The following USH2A variants were observed in gnomAD, a reference collection of about 807,000 sequenced individuals.
USH2A encodes usherin.
A neutral mutation model predicts 538.9 loss-of-function variants in USH2A; 443 were observed. That is an observed-to-expected ratio of 0.82 (90% CI 0.76 to 0.89). USH2A has a LOEUF of 0.89. Among genes scored for constraint, USH2A ranks in the 40% least tolerant of loss-of-function variants. The pLI is 0.00. For missense variants in USH2A, 6,633 were observed against 6,324.8 expected (o/e 1.05, Z -1.65); for synonymous variants, 2,413 against 2,273.5 (o/e 1.06, Z -1.75).
At chr1:216,287,381 C>T (rs756848156) in intron 11 of USH2A, among the ~76,000 whole-genome samples, 5 of 152,158 alleles carry the variant, frequency 3.3e-5, no homozygotes, top group Non-Finnish European at 7.3e-5. Context: ...CAATAATTAG[C>T]TCCACTTTAT....
chr1:215,797,127 A>T (rs1662164601), intron 50 of USH2A, among the ~76,000 whole-genome samples: 1 of 152,208 alleles, frequency 6.6e-6, no homozygotes, highest in African/African-American at 2.4e-5. Context: ...CAGTCACAAT[A>T]GTCCCTTAGG....
At chr1:216,011,501 C>T (rs1343080032) in intron 32 of USH2A, among the ~76,000 whole-genome samples, 1 of 152,128 alleles carries the variant, frequency 6.6e-6, no homozygotes, top group East Asian at 1.9e-4. Flanking sequence ...ACCTCAATCC[C>T]TTACAAAACA....
At chr1:215,848,110 T>G (rs182297151) in intron 44 of USH2A, among the ~76,000 whole-genome samples, 136 of 152,296 alleles carry the variant, frequency 8.9e-4, no homozygotes, top group Admixed American at 2.0e-3. Flanking sequence ...CTTAACATTT[T>G]CCTGAATGAT....
At chr1:215,789,376 T>A (rs1465866537) in intron 51 of USH2A, among the ~76,000 whole-genome samples, 1 of 152,156 alleles carries the variant, frequency 6.6e-6, no homozygotes, top group Non-Finnish European at 1.5e-5. Context: ...CCATTTTTAG[T>A]GGTCTTATAA....
chr1:216,250,293 C>T (rs149643071), intron 12 of USH2A, among the ~76,000 whole-genome samples: 379 of 152,002 alleles, frequency 2.5e-3, no homozygotes, highest in African/African-American at 8.8e-3. Flanking sequence ...TAAATAACAC[C>T]GAAGGCAGCT....
chr1:216,377,394 A>G (rs925514), intron 3 of USH2A, among the ~76,000 whole-genome samples: 4,209 of 152,266 alleles, frequency 0.028, 89 homozygotes, highest in Non-Finnish European at 0.041. Flanking sequence ...ATTTAAGGTA[A>G]GAATATATCA....
intron 62 of USH2A, among the ~76,000 whole-genome samples, chr1:215,676,106 TTG>T (rs563148237): frequency 1.3e-5 from 2 of 151,808 alleles, no homozygotes; most frequent in South Asian, 2.1e-4. Flanking sequence ...AAGAGTATGC[TTG>T]TGTGTGTGTG....
Position 215,817,024 on chromosome 1 carries a change from T to C in USH2A, c.9543A>G (p.Gly3181=), listed in dbSNP as rs778121081. ...TAGCTTCAGAAGAATAGCAAATGTG[T>C]CCACAGATAGATTCAGGTTTTTGAC... ...VRCQKPESIC[G]HICYSSEAKV... Residue 3181 remains glycine (G), a synonymous_variant, in exon 48 of 72, where the codon GGA becomes GGG. Transcript: ENST00000307340. The C allele has an allele frequency of 1.2e-6, 2 of 1,612,600 alleles. No homozygotes were observed. Among genetic ancestry groups the C allele is most frequent in the Non-Finnish European group, 1.7e-6 (2 of 1,178,914 alleles).
chr1:215,774,805 A>T (rs572091192), intron 55 of USH2A, among the ~76,000 whole-genome samples: 2 of 151,962 alleles, frequency 1.3e-5, no homozygotes, highest in South Asian at 2.1e-4. Context: ...AAAAAATATC[A>T]TTGTCTAGGC....
At chr1:216,420,013 T>C (rs540512657) in intron 2 of USH2A, among the ~76,000 whole-genome samples, 1 of 152,124 alleles carries the variant, frequency 6.6e-6, no homozygotes, top group South Asian at 2.1e-4. Flanking sequence ...TAGATTTAGA[T>C]GACATAAAGG....
intron 21 of USH2A, among the ~76,000 whole-genome samples, chr1:216,148,375 C>T (rs990247651): frequency 5.3e-5 from 8 of 151,888 alleles, no homozygotes; most frequent in East Asian, 3.9e-4. Flanking sequence ...ATCTCATTGC[C>T]GCCCTTCTTC....
chr1:215,912,519 A>ATATATATGTATATATATATGTGTATATG (rs1558158178), intron 38 of USH2A, among the ~76,000 whole-genome samples: 3 of 67,570 alleles, frequency 4.4e-5, no homozygotes, highest in African/African-American at 1.5e-4. Flanking sequence ...ATACGTGTAT[A>ATATATATGTATATATATATGTGTATATG]TATATATATA....
At chr1:216,249,993 A>G (rs566998849) in intron 12 of USH2A, among the ~76,000 whole-genome samples, 1 of 152,276 alleles carries the variant, frequency 6.6e-6, no homozygotes, top group Non-Finnish European at 1.5e-5. Flanking sequence ...GAATGACAAT[A>G]GAAAGGCAAA....
intron 67 of USH2A, among the ~76,000 whole-genome samples, chr1:215,646,587 C>T (rs1192465507): frequency 1.3e-5 from 2 of 151,900 alleles, no homozygotes; most frequent in East Asian, 1.9e-4. Context: ...AGTACAGTGG[C>T]GTGATCTCGG....
chr1:216,175,279 T>G lies in USH2A; in HGVS notation c.4600A>C (p.Thr1534Pro). ...GNGYCKFPSSTHPVNTDFTGI... is the reference protein window; with the variant it reads ...GNGYCKFPSSPHPVNTDFTGI... ...GTGAAGTCTGTATTGACTGGGTGAG[T>G]GGAGCTGGGAAATTTACAATACCCA... is the stretch of plus-strand genomic sequence containing the variant. Residue 1534 changes from threonine to proline, a missense_variant, in exon 21 of 72, where the codon ACT (threonine) becomes CCT (proline). Coordinates refer to ENST00000307340, the MANE Select transcript of USH2A (RefSeq NM_206933.4). The G allele has an allele frequency of 6.2e-7, 1 of 1,613,728 alleles. No homozygotes were observed. The highest frequency in any genetic ancestry group is 8.5e-7 in the Non-Finnish European group (1 of 1,179,838).
chr1:216,320,831 G>C (rs1302779750), intron 9 of USH2A, among the ~76,000 whole-genome samples: 1 of 151,956 alleles, frequency 6.6e-6, no homozygotes, highest in African/African-American at 2.4e-5. Flanking sequence ...CTCTTTACCT[G>C]TTAACATGAT....
Position 216,200,024 on chromosome 1 carries a change from A to T in USH2A, c.3414T>A (p.Ala1138=). Reference sequence around the variant, plus strand: ...CCCCTGGTTTTGTCTTGTAAGTGACAGCTACACTCCTTGTTGAACCATGCA... The same window carrying T: ...CCCCTGGTTTTGTCTTGTAAGTGACTGCTACACTCCTTGTTGAACCATGCA... The part of the protein sequence containing the change: ...TNVHGSTRSV[A]VTYKTKPGVP... Residue 1138 remains alanine, a synonymous_variant, in exon 17 of 72, where the codon GCT becomes GCA. Coordinates refer to ENST00000307340, the MANE Select transcript of USH2A (RefSeq NM_206933.4). 1 of 1,614,072 alleles carries T rather than the reference A, an allele frequency of 6.2e-7. No individual in the cohort carries two copies. Among genetic ancestry groups the T allele is most frequent in the Non-Finnish European group, 8.5e-7 (1 of 1,179,982 alleles).
chr1:216,000,666 G>C (rs1270024249), intron 32 of USH2A, 104 bp from the exon 33 acceptor site: 4 of 1,396,700 alleles, frequency 2.9e-6, no homozygotes, highest in African/African-American at 1.4e-5. Context: ...TTAAGATAAG[G>C]CTTAAAATAT....
intron 34 of USH2A, among the ~76,000 whole-genome samples, chr1:215,996,053 T>G (rs1414593266): frequency 1.3e-5 from 2 of 152,098 alleles, no homozygotes; most frequent in African/African-American, 4.8e-5. Flanking sequence ...TGGGATTATA[T>G]GCTTGCAGCA....
Sources: allele counts gnomAD v4.1 joint callset (sites outside exome capture counted in the v4.1 genomes callset), GRCh38; gene constraint gnomAD v4.1.1; transcripts MANE v1.5; gene names NCBI Gene and HGNC (gene_info 2026-07-23, HGNC 2026-07-21).